Variants in MRPL15 observed in about 807,000 individuals in gnomAD.
The protein encoded by MRPL15 is mitochondrial ribosomal protein L15.
In MRPL15, 24 loss-of-function variants were observed where a neutral mutation model predicts 28.0. That is an observed-to-expected ratio of 0.86 (90% CI 0.62 to 1.21). The LOEUF (loss-of-function observed/expected upper bound fraction) is 1.21, where lower values mean the gene tolerates loss of function less well. Among genes scored for constraint, MRPL15 ranks in the 50% most tolerant of loss-of-function variants. The pLI, the probability that MRPL15 is intolerant of heterozygous loss-of-function variation, is 0.00. For synonymous variants in MRPL15, 124 were observed against 137.0 expected (o/e 0.90, Z 0.66); for missense variants, 343 against 372.4 (o/e 0.92, Z 0.65).
intron 3 of MRPL15, among the ~76,000 whole-genome samples, chr8:54,140,864 G>C (rs1408966782): frequency 4.6e-5 from 7 of 151,584 alleles, no homozygotes; most frequent in Non-Finnish European, 7.4e-5. Context: ...TTACAGGCGT[G>C]AGCCACTGCG....
chr8:54,143,426 A>G (rs1186198419), intron 4 of MRPL15, among the ~76,000 whole-genome samples: 13 of 152,090 alleles, frequency 8.5e-5, no homozygotes, highest in Admixed American at 8.5e-4. Context: ...AGTCTTCCCT[A>G]TGTAAGTAAA....
Position 54,135,318 on chromosome 8 carries a change from C to G in MRPL15, c.35C>G (p.Ala12Gly), listed in dbSNP as rs1810808765. The change falls in exon 1 of 5, where the codon GCC (alanine) becomes GGC (glycine). Residue 12 changes from alanine (A) to glycine (G), a missense_variant. Transcript: ENST00000260102. ...CCCTTGCAGGGCGGTGGGGCCCGGG[C>G]CCTGGACCTACTCCGGGGCCTGCCG... ...AGPLQGGGAR[A>G]LDLLRGLPRV... 1 of 1,472,352 alleles carries G rather than the reference C, an allele frequency of 6.8e-7. No homozygotes were observed. The highest frequency in any genetic ancestry group is 2.5e-5 in the Admixed American group (1 of 40,688). 91.2% of individuals were successfully genotyped at this position (1,472,352 alleles called of 1,614,324 possible).
chr8:54,138,032 G>A (rs1810858732), intron 3 of MRPL15, among the ~76,000 whole-genome samples: 1 of 151,670 alleles, frequency 6.6e-6, no homozygotes, highest in Non-Finnish European at 1.5e-5. Flanking sequence ...TCGGCTCACT[G>A]CAACCTCTGC....
intron 3 of MRPL15, among the ~76,000 whole-genome samples, chr8:54,138,301 CTTTTTTTTTTT>C (rs71254537): frequency 2.3e-4 from 13 of 56,990 alleles, no homozygotes; most frequent in East Asian, 8.0e-4. Context: ...TCAGGAAGAT[CTTTTTTTTTTT>C]TTTTTTTTTT....
intron 3 of MRPL15, among the ~76,000 whole-genome samples, chr8:54,140,574 CTTTTTTTT>C (rs71551976): frequency 1.0e-5 from 1 of 99,576 alleles, no homozygotes; most frequent in Admixed American, 1.2e-4. Flanking sequence ...ATTTTCTTTT[CTTTTTTTT>C]TTTTTTTTTG....
chr8:54,144,060 C>A (rs1810976699), intron 4 of MRPL15, among the ~76,000 whole-genome samples: 1 of 152,364 alleles, frequency 6.6e-6, no homozygotes, highest in Non-Finnish European at 1.5e-5. Context: ...CCCTTGGCAG[C>A]TATCACCAGC....
chr8:54,140,574 C>CTTTTTTTTTCTTTTTTTT (rs1810905681), intron 3 of MRPL15, among the ~76,000 whole-genome samples: 1 of 99,576 alleles, frequency 1.0e-5, no homozygotes, highest in African/African-American at 3.6e-5. Context: ...ATTTTCTTTT[C>CTTTTTTTTTCTTTTTTTT]TTTTTTTTTT....
At chr8:54,139,424 T>C (rs1292059898) in intron 3 of MRPL15, among the ~76,000 whole-genome samples, 1 of 152,214 alleles carries the variant, frequency 6.6e-6, no homozygotes, top group Admixed American at 6.5e-5. Flanking sequence ...AAAAGTGAAC[T>C]GTATGGATAA....
In MRPL15 at chr8:54,137,765, G is replaced by A. The variant is rs182556086; in HGVS notation, c.429+332G>A. Among the ~76,000 whole-genome samples, 9 of 151,604 alleles carry A rather than the reference G, an allele frequency of 5.9e-5. No homozygotes were observed. The Middle Eastern group carries it at 0.017, about 286-fold the overall frequency. On this transcript the variant is annotated intron_variant, in intron 3 of 4. Coordinates refer to ENST00000260102, the MANE Select transcript of MRPL15 (RefSeq NM_014175.4). ...AGGTGTGAGCCACCATGCCTGGCCC[G>A]TAGGAGATATTTTTGATTTCCAGAT...
rs551211019 is a variant in MRPL15 at position 54,148,238 on chromosome 8, A to AG, written c.*521dup. Among the ~76,000 whole-genome samples the AG allele has an allele frequency of 4.7e-3, 718 of 152,360 alleles. 1 individual carries two copies. Among genetic ancestry groups the AG allele is most frequent in the Non-Finnish European group, 8.0e-3 (544 of 68,042 alleles). ...GGTGTAAGGCTGAGGAGTAGCTGGTAGGCAGTATGTTTGCCAGTGACATTG... is the reference window on the plus strand; with the variant it reads ...GGTGTAAGGCTGAGGAGTAGCTGGTAGGGCAGTATGTTTGCCAGTGACATTG... On this transcript the variant is annotated 3_prime_UTR_variant, in exon 5 of 5. Transcript: ENST00000260102.
intron 4 of MRPL15, among the ~76,000 whole-genome samples, chr8:54,143,019 C>G (rs1586218545): frequency 1.3e-5 from 2 of 152,170 alleles, no homozygotes; most frequent in African/African-American, 4.8e-5. Context: ...ATCTGCCTGC[C>G]TGGCCAATTC....
At chr8:54,138,828 CTTCT>C (rs992575803) in intron 3 of MRPL15, among the ~76,000 whole-genome samples, 28 of 151,816 alleles carry the variant, frequency 1.8e-4, no homozygotes, top group African/African-American at 5.8e-4. Context: ...GCTTTACTTT[CTTCT>C]TTATTTTTTT....
chr8:54,141,282 CTA>C (rs1311761291), intron 3 of MRPL15, among the ~76,000 whole-genome samples: 1 of 152,140 alleles, frequency 6.6e-6, no homozygotes, highest in Non-Finnish European at 1.5e-5. Flanking sequence ...GTATTTCCGT[CTA>C]TGAAAGTCGG....
intron 3 of MRPL15, among the ~76,000 whole-genome samples, 182 bp downstream of exon 3, chr8:54,137,615 A>G (rs1461209740): frequency 6.6e-6 from 1 of 151,956 alleles, no homozygotes; most frequent in Non-Finnish European, 1.5e-5. Context: ...GGCACCCACC[A>G]CCATGCCCAG....
At chr8:54,140,723 G>A (rs1433843801) in intron 3 of MRPL15, among the ~76,000 whole-genome samples, 1 of 151,766 alleles carries the variant, frequency 6.6e-6, no homozygotes, top group Admixed American at 6.6e-5. Flanking sequence ...ACAGGCACCC[G>A]CCACCATGGC....
chr8:54,135,472 ACTGCC>A, intron 1 of MRPL15, 81 bp downstream of exon 1: 1 of 1,194,524 alleles, frequency 8.4e-7, no homozygotes. Flanking sequence ...CATTAGGAGA[ACTGCC>A]CTTTCTAGGA....
At chr8:54,139,724 T>C (rs1385407867) in intron 3 of MRPL15, among the ~76,000 whole-genome samples, 2 of 152,226 alleles carry the variant, frequency 1.3e-5, no homozygotes, top group African/African-American at 4.8e-5. Flanking sequence ...TTGTAGTAAA[T>C]AGTGAATAAT....
chr8:54,138,301 CTTTTT>C (rs71254537), intron 3 of MRPL15, among the ~76,000 whole-genome samples: 1 of 56,990 alleles, frequency 1.8e-5, no homozygotes, highest in East Asian at 8.0e-4. Flanking sequence ...TCAGGAAGAT[CTTTTT>C]TTTTTTTTTT....
In MRPL15 at chr8:54,138,977, C is replaced by A. The variant is rs539445655; in HGVS notation, c.429+1544C>A. Among the ~76,000 whole-genome samples, 7 of 152,180 alleles carry A rather than the reference C, an allele frequency of 4.6e-5. No individual in the cohort carries two copies. In the East Asian group the frequency reaches 1.4e-3, roughly 29 times the overall value. The stretch of plus-strand genomic sequence containing the variant: ...AAGTAGCTGGGATTACAGGCACCTG[C>A]CACCAGGCCCAGCTAATTTTCTGCT... On this transcript the variant is annotated intron_variant, in intron 3 of 4. Transcript: ENST00000260102.
Sources: gnomAD v4.1 joint callset for allele counts (sites outside exome capture counted in the v4.1 genomes callset) on GRCh38, gnomAD v4.1.1 for gene constraint, MANE v1.5 for transcripts, NCBI Gene and HGNC (gene_info 2026-07-23, HGNC 2026-07-21) for gene names.